The following HACE1 variants were observed in gnomAD, a reference collection of about 807,000 sequenced individuals.
HACE1 encodes the protein E3 ubiquitin-protein ligase HACE1.
A neutral mutation model predicts 118.4 loss-of-function variants in HACE1; 73 were observed. That is an observed-to-expected ratio of 0.62 (90% CI 0.51 to 0.75). The LOEUF (loss-of-function observed/expected upper bound fraction) is 0.75, where lower values mean the gene tolerates loss of function less well. HACE1 is among the 30% of genes least tolerant of loss of function. The probability of loss-of-function intolerance (pLI) is 0.00; values close to 1 mark genes in which losing one functional copy is unlikely to be tolerated. For missense variants in HACE1, 749 were observed against 1,102.2 expected (o/e 0.68, Z 4.54); for synonymous variants, 368 against 374.8 (o/e 0.98, Z 0.21).
At chr6:104,739,544 C>T (rs1776377219) in intron 22 of HACE1, among the ~76,000 whole-genome samples, 1 of 151,746 alleles carries the variant, frequency 6.6e-6, no homozygotes, top group African/African-American at 2.4e-5. Flanking sequence ...AGACTTTAAA[C>T]CAACAAAGAT....
intron 20 of HACE1, among the ~76,000 whole-genome samples, chr6:104,746,847 T>C (rs1212515554): frequency 6.6e-6 from 1 of 152,246 alleles, no homozygotes; most frequent in East Asian, 1.9e-4. Flanking sequence ...TTCATGAGTT[T>C]AATCCTTTTC....
chr6:104,844,834 T>C (rs1177476450), intron 4 of HACE1, among the ~76,000 whole-genome samples: 1 of 151,664 alleles, frequency 6.6e-6, no homozygotes, highest in East Asian at 1.9e-4. Flanking sequence ...AGCTAATTTT[T>C]CGTATTTTTA....
chr6:104,743,668 CAG>C (rs901845762), intron 22 of HACE1, among the ~76,000 whole-genome samples: 51 of 152,066 alleles, frequency 3.4e-4, no homozygotes, highest in African/African-American at 1.2e-3. Context: ...GTGAACTTTT[CAG>C]AGAAGTGTAG....
At chr6:104,808,625 T>G (rs1484407189) in intron 7 of HACE1, among the ~76,000 whole-genome samples, 1 of 152,174 alleles carries the variant, frequency 6.6e-6, no homozygotes, top group African/African-American at 2.4e-5. Flanking sequence ...ATATTATATC[T>G]AGTAATACTT....
intron 4 of HACE1, among the ~76,000 whole-genome samples, chr6:104,848,823 T>C (rs184630289): frequency 6.6e-6 from 1 of 152,138 alleles, no homozygotes; most frequent in African/African-American, 2.4e-5. Flanking sequence ...GAAAATACAA[T>C]GTCACTATAA....
At chr6:104,737,497 G>C (rs992734801) in intron 22 of HACE1, among the ~76,000 whole-genome samples, 2 of 152,256 alleles carry the variant, frequency 1.3e-5, no homozygotes, top group East Asian at 3.9e-4. Flanking sequence ...GAAGCAGGGC[G>C]AGGCATTGCC....
At position 104,728,617 on chromosome 6, in the gene HACE1, C is replaced by T. The variant is rs988215040; in HGVS notation, c.*1045G>A. The T allele has an allele frequency of 6.6e-6, 1 of 152,116 alleles. No homozygotes were observed. Among genetic ancestry groups the T allele is most frequent in the Non-Finnish European group, 1.5e-5 (1 of 68,016 alleles). The allele number at this position is 152,116 out of a possible 1,614,324, so 9.4% of individuals were successfully genotyped here. A position where few individuals can be genotyped will look rare whatever the true frequency, so the allele number is the denominator to read the frequency against. On this transcript the variant is annotated 3_prime_UTR_variant, in exon 24 of 24. Transcript: ENST00000262903. ...CTATTTTTAGTTTCCAAGGGAAGAT[C>T]CTAAACATAACAAATCCTTCCGTTA...
In HACE1 at chr6:104,737,370, G is replaced by C. The variant is rs1456096580; in HGVS notation, c.2513+6790C>G. ...ACAGCTCCGGTCTACAGCTCCCAGCGTGAGCCACGCAAAAGATGGTGATTT... is the reference window on the plus strand; with the variant it reads ...ACAGCTCCGGTCTACAGCTCCCAGCCTGAGCCACGCAAAAGATGGTGATTT... On this transcript the variant is annotated intron_variant, in intron 22 of 23. Coordinates refer to ENST00000262903, the MANE Select transcript of HACE1 (RefSeq NM_020771.4). Among the ~76,000 whole-genome samples the C allele has an allele frequency of 2.6e-5, 4 of 151,650 alleles. No individual in the cohort carries two copies. In the South Asian group the frequency reaches 8.3e-4, roughly 32 times the overall value.
At chr6:104,777,490 G>A (rs1424272371) in intron 14 of HACE1, among the ~76,000 whole-genome samples, 173 bp from the exon 15 acceptor site, 1 of 152,176 alleles carries the variant, frequency 6.6e-6, no homozygotes, top group Non-Finnish European at 1.5e-5. Context: ...CAAAAAGACA[G>A]AACTTAGCTG....
At chr6:104,859,523 C>A (rs978821754) in intron 1 of HACE1, 44 bp downstream of exon 1, 6 of 1,413,984 alleles carry the variant, frequency 4.2e-6, no homozygotes, top group Non-Finnish European at 5.6e-6. Context: ...CCCCACTGGC[C>A]GCCCCCAGCC....
intron 1 of HACE1, 96 bp downstream of exon 1, chr6:104,859,471 A>T: frequency 1.1e-6 from 1 of 915,948 alleles, no homozygotes; most frequent in Non-Finnish European, 1.6e-6. Flanking sequence ...CTCAGCTTTC[A>T]GTTAGTTTTT....
intron 1 of HACE1, 166 bp downstream of exon 1, chr6:104,859,401 C>G: frequency 1.7e-6 from 1 of 590,458 alleles, no homozygotes; most frequent in Non-Finnish European, 2.9e-6. Flanking sequence ...GAGCGTCGGG[C>G]CAGGGGAGTT....
chr6:104,859,252 C>G, intron 1 of HACE1: 1 of 345,814 alleles, frequency 2.9e-6, no homozygotes, highest in Admixed American at 5.2e-5. Flanking sequence ...CTCCGGGTCT[C>G]GGGCCTCCGG....
At chr6:104,780,116 T>C (rs868631563) in intron 14 of HACE1, among the ~76,000 whole-genome samples, 6 of 152,284 alleles carry the variant, frequency 3.9e-5, no homozygotes, top group Admixed American at 6.5e-5. Context: ...TTAAAATTAT[T>C]GTCAATAACT....
At chr6:104,737,930 C>G (rs568978429) in intron 22 of HACE1, among the ~76,000 whole-genome samples, 1 of 152,204 alleles carries the variant, frequency 6.6e-6, no homozygotes, top group Non-Finnish European at 1.5e-5. Context: ...ATGTCCCTGT[C>G]TCACAGCTTT....
At chr6:104,793,449 G>A (rs145252565) in intron 10 of HACE1, among the ~76,000 whole-genome samples, 14 of 152,108 alleles carry the variant, frequency 9.2e-5, no homozygotes, top group African/African-American at 2.7e-4. Context: ...TAGAAAGGAC[G>A]ATAAAATTTC....
chr6:104,784,928 C>T, intron 12 of HACE1, 57 bp downstream of exon 12: 1 of 1,042,336 alleles, frequency 9.6e-7, no homozygotes, highest in Non-Finnish European at 1.5e-6. Context: ...ACAAAAGTAT[C>T]ACTGCTTTTC....
chr6:104,767,040 A>T (rs901573057), intron 19 of HACE1: 5 of 152,252 alleles, frequency 3.3e-5, no homozygotes, highest in African/African-American at 1.2e-4. Flanking sequence ...ACATTATAAA[A>T]ACCTAATAAA....
In HACE1 at chr6:104,858,722, C is replaced by A. The variant is rs1164012489; in HGVS notation, c.76+845G>T. On this transcript the variant is annotated intron_variant, in intron 1 of 23. Coordinates refer to ENST00000262903, the MANE Select transcript of HACE1 (RefSeq NM_020771.4). ...TCACCAGCTACAACCTCCTCCCAACCCTTCTCTCACTTGGGCATAAAGAGC... is the reference window on the plus strand; with the variant it reads ...TCACCAGCTACAACCTCCTCCCAACACTTCTCTCACTTGGGCATAAAGAGC... Among the ~76,000 whole-genome samples the A allele has an allele frequency of 3.3e-5, 5 of 152,296 alleles. No individual in the cohort carries two copies. The East Asian group carries it at 9.6e-4, about 29-fold the overall frequency.
Sources: allele counts gnomAD v4.1 joint callset (sites outside exome capture counted in the v4.1 genomes callset), GRCh38; gene constraint gnomAD v4.1.1; transcripts MANE v1.5; gene names NCBI Gene and HGNC (gene_info 2026-07-23, HGNC 2026-07-21).